Variants in SMAD3 observed in about 807,000 individuals in gnomAD.
SMAD3 encodes the protein SMAD family member 3, also known as MAD homolog 3.
SMAD3 carries 12 observed loss-of-function variants against 51.8 expected under a neutral mutation model. The ratio of observed to expected loss-of-function variants is 0.23; its 90% CI spans 0.15 to 0.38. SMAD3 has a LOEUF of 0.38. Among genes scored for constraint, SMAD3 ranks in the 10% least tolerant of loss-of-function variants. The pLI is 1.00. For missense variants in SMAD3, 294 were observed against 565.6 expected, an observed-to-expected ratio of 0.52 and a Z score of 4.87; for synonymous variants, 238 against 227.7, an observed-to-expected ratio of 1.05 and a Z score of -0.41.
At position 67,165,346 on chromosome 15, in the gene SMAD3, A is replaced by T; in HGVS notation, c.494A>T (p.Asn165Ile). ...DYSHSIPENT[N>I]FPAGIEPQSN... ...AGCCATTCCATCCCCGAAAACACTA[A>T]CTTCCCCGCAGGCATCGAGCCCCAG... The change falls in exon 3 of 9, where the codon AAC becomes ATC. Residue 165 changes from asparagine (N) to isoleucine (I), a missense_variant. Physicochemically the swap from Asn to Ile is moderately radical, Grantham distance 149. This residue lies in a region of SMAD3 where 147 missense variants were observed against 260.9 expected (regional missense o/e 0.56). Transcript: ENST00000327367. 6.2e-7 allele frequency: 1 copy of T among 1,613,926 alleles called. No individual in the cohort carries two copies. Among genetic ancestry groups the T allele is most frequent in the Non-Finnish European group, 8.5e-7 (1 of 1,179,972 alleles).
intron 1 of SMAD3, among the ~76,000 whole-genome samples, chr15:67,068,143 G>C (rs1959970722): frequency 6.6e-6 from 1 of 152,224 alleles, no homozygotes; most frequent in Non-Finnish European, 1.5e-5. Context: ...ACCAGCCATG[G>C]AAAGTAGATA....
Position 67,105,231 on chromosome 15 carries a change from G to A in SMAD3, c.206+38871G>A, listed in dbSNP as rs75103823. Among the ~76,000 whole-genome samples, 860 of 152,274 alleles carry A rather than the reference G, an allele frequency of 5.6e-3. 48 individuals carry two copies. The East Asian group carries it at 0.13, about 22-fold the overall frequency. ...AGTAAACAAAAAGGTTGGATGAGGC[G>A]CTCTCCAAAGTTCTTGCCCTCTGTG... On this transcript the variant is annotated intron_variant, in intron 1 of 8. Coordinates refer to ENST00000327367, the MANE Select transcript of SMAD3 (RefSeq NM_005902.4).
chr15:67,131,634 T>C (rs1168547017), intron 1 of SMAD3, among the ~76,000 whole-genome samples: 3 of 152,140 alleles, frequency 2.0e-5, no homozygotes, highest in African/African-American at 7.2e-5. Context: ...CTGAACATCA[T>C]GAAGCTAGGG....
intron 1 of SMAD3, among the ~76,000 whole-genome samples, chr15:67,108,350 T>C (rs942479915): frequency 6.6e-6 from 1 of 152,158 alleles, no homozygotes; most frequent in Non-Finnish European, 1.5e-5. Flanking sequence ...ATCCCCACTC[T>C]GATGATACTA....
At chr15:67,086,980 C>G (rs930919050) in intron 1 of SMAD3, among the ~76,000 whole-genome samples, 4 of 151,952 alleles carry the variant, frequency 2.6e-5, no homozygotes, top group African/African-American at 9.7e-5. Context: ...ACTACAACCT[C>G]CACCTCCCAG....
Position 67,150,847 on chromosome 15 carries a change from C to CTTTTTTTTTTTTTTTT in SMAD3, c.207-14037_207-14022dup, listed in dbSNP as rs58914503. Among the ~76,000 whole-genome samples, 2 of 14,672 alleles carry CTTTTTTTTTTTTTTTT rather than the reference C, an allele frequency of 1.4e-4. 1 individual carries two copies. Among genetic ancestry groups the CTTTTTTTTTTTTTTTT allele is most frequent in the Non-Finnish European group, 2.3e-4 (2 of 8,884 alleles). 9.6% of individuals were successfully genotyped at this position (14,672 alleles called of 152,430 possible). A position where few individuals can be genotyped will look rare whatever the true frequency, so the allele number is the denominator to read the frequency against. Reference sequence around the variant, plus strand: ...TAAGAGAGCAAAGCTATTTCTCAGTCTTTTTTTTTTTTTTTTTTTTTTTTT... The same window carrying CTTTTTTTTTTTTTTTT: ...TAAGAGAGCAAAGCTATTTCTCAGTCTTTTTTTTTTTTTTTTTTTTTTTTTTTTTTTTTTTTTTTTT... On this transcript the variant is annotated intron_variant, in intron 1 of 8. Transcript: ENST00000327367.
chr15:67,120,417 C>A (rs1050704041), intron 1 of SMAD3, among the ~76,000 whole-genome samples: 6 of 152,146 alleles, frequency 3.9e-5, no homozygotes, highest in African/African-American at 1.4e-4. Context: ...TTTTTAAAAC[C>A]CCCTGTATGT....
intron 1 of SMAD3, among the ~76,000 whole-genome samples, chr15:67,162,696 G>A (rs138086895): frequency 2.6e-5 from 4 of 151,886 alleles, no homozygotes; most frequent in East Asian, 3.9e-4. Flanking sequence ...CTGTTCTTCC[G>A]ACCTCACCAT....
chr15:67,183,000 A>AATAT (rs1555413788), intron 6 of SMAD3, among the ~76,000 whole-genome samples: 16 of 43,646 alleles, frequency 3.7e-4, no homozygotes, highest in South Asian at 1.1e-3. Flanking sequence ...AAAAAAAAAA[A>AATAT]ATATATATAT....
At chr15:67,082,262 CTG>C (rs1462692725) in intron 1 of SMAD3, among the ~76,000 whole-genome samples, 1 of 152,144 alleles carries the variant, frequency 6.6e-6, no homozygotes, top group Non-Finnish European at 1.5e-5. Flanking sequence ...AGCAGGGGGA[CTG>C]TCTGGGCCTC....
chr15:67,085,934 G>C (rs377453683), intron 1 of SMAD3, among the ~76,000 whole-genome samples: 2 of 151,738 alleles, frequency 1.3e-5, no homozygotes, highest in African/African-American at 4.9e-5. Context: ...CTGGAAGTGT[G>C]TTGATTTGGT....
chr15:67,189,466 G>A (rs575311215), intron 8 of SMAD3, among the ~76,000 whole-genome samples: 6 of 152,378 alleles, frequency 3.9e-5, no homozygotes, highest in East Asian at 3.9e-4. Flanking sequence ...ATCACCACGC[G>A]GGATGTCCTG....
At chr15:67,170,162 C>T (rs1243021529) in intron 4 of SMAD3, among the ~76,000 whole-genome samples, 1 of 152,156 alleles carries the variant, frequency 6.6e-6, no homozygotes. Flanking sequence ...AGAAGGGCTT[C>T]CCTGCTCCTC....
In SMAD3 at chr15:67,119,638, A is replaced by T. The variant is rs545455293; in HGVS notation, c.207-45257A>T. On this transcript the variant is annotated intron_variant, in intron 1 of 8. Transcript: ENST00000327367. ...ATTCATAAAATTCAGACCCGCACAC[A>T]CTCGGGAATGGGAAAAATGAATTAT... is the stretch of plus-strand genomic sequence containing the variant. Among the ~76,000 whole-genome samples the T allele has an allele frequency of 3.9e-5, 6 of 152,326 alleles. No homozygotes were observed. In the East Asian group the frequency reaches 1.2e-3, roughly 29 times the overall value.
chr15:67,146,803 C>G (rs1443397046), intron 1 of SMAD3: 1 of 152,202 alleles, frequency 6.6e-6, no homozygotes, highest in Non-Finnish European at 1.5e-5. Context: ...AAGGCTCTTT[C>G]TCCATTTCTC....
chr15:67,193,980 C>G lies in SMAD3; in HGVS notation c.*3444C>G, dbSNP rs985098578. ...CATGAGGGTCTCCACAGGGCCGGAG[C>G]TCAGGTTACACCACTCCTTCGTCCT... On this transcript the variant is annotated 3_prime_UTR_variant, in exon 9 of 9. Coordinates refer to ENST00000327367, the MANE Select transcript of SMAD3 (RefSeq NM_005902.4). The G allele has an allele frequency of 4.3e-5, 10 of 233,182 alleles. No individual in the cohort carries two copies. The highest frequency in any genetic ancestry group is 2.2e-4 in the African/African-American group (10 of 45,338). The allele number at this position is 233,182 out of a possible 1,614,324, so 14.4% of individuals were successfully genotyped here. A position where few individuals can be genotyped will look rare whatever the true frequency, so the allele number is the denominator to read the frequency against.
intron 1 of SMAD3, among the ~76,000 whole-genome samples, chr15:67,156,108 C>G (rs1210236569): frequency 6.6e-6 from 1 of 152,016 alleles, no homozygotes; most frequent in Non-Finnish European, 1.5e-5. Context: ...GGGCATATAT[C>G]TGCTGCAGCA....
rs1214548462 is a variant in SMAD3, at chr15:67,120,706, TC to T, written c.207-44188del. Among the ~76,000 whole-genome samples the T allele has an allele frequency of 3.3e-5, 5 of 152,202 alleles. No homozygotes were observed. In the South Asian group the frequency reaches 8.3e-4, roughly 25 times the overall value. On this transcript the variant is annotated intron_variant, in intron 1 of 8. Transcript: ENST00000327367. ...CCTGGGAAATTGGGAAGGGAATTTT[TC>T]AAGCTTCATGGCTGCTCCAGGACTT...
At chr15:67,172,097 G>C (rs1032554113) in intron 5 of SMAD3, among the ~76,000 whole-genome samples, 9 of 152,172 alleles carry the variant, frequency 5.9e-5, no homozygotes, top group Non-Finnish European at 8.8e-5. Flanking sequence ...CTGAAAGGTG[G>C]TCATTTGCTG....
Sources: allele counts gnomAD v4.1 joint callset (sites outside exome capture counted in the v4.1 genomes callset), GRCh38; gene constraint gnomAD v4.1.1; regional missense constraint gnomAD v4.1.1; transcripts MANE v1.5; gene names NCBI Gene and HGNC (gene_info 2026-07-23, HGNC 2026-07-21).